Variants in DENND1A observed in about 807,000 individuals in gnomAD.
DENND1A encodes DENN domain-containing protein 1A.
A neutral mutation model predicts 113.7 loss-of-function variants in DENND1A; 51 were observed. That is an observed-to-expected ratio of 0.45 (90% confidence interval 0.36 to 0.57). The LOEUF (loss-of-function observed/expected upper bound fraction) is 0.57, where lower values mean the gene tolerates loss of function less well. Ranked by LOEUF, DENND1A falls within the 20% of genes least tolerant of loss-of-function variation. The pLI, the probability that DENND1A is intolerant of heterozygous loss-of-function variation, is 0.00. For synonymous variants in DENND1A, 565 were observed against 570.8 expected (o/e 0.99, Z 0.14); for missense variants, 1,258 against 1,395.9 (o/e 0.90, Z 1.57).
intron 13 of DENND1A, among the ~76,000 whole-genome samples, chr9:123,460,678 C>A (rs748201890): frequency 6.6e-6 from 1 of 152,362 alleles, no homozygotes; most frequent in Non-Finnish European, 1.5e-5. Context: ...CCATCTACGC[C>A]TACCTTGGCG....
chr9:123,675,433 G>C (rs2064018290), intron 6 of DENND1A, among the ~76,000 whole-genome samples: 1 of 152,166 alleles, frequency 6.6e-6, no homozygotes, highest in Non-Finnish European at 1.5e-5. Flanking sequence ...ATGAAACACA[G>C]CTTTCCCTTC....
intron 5 of DENND1A, among the ~76,000 whole-genome samples, chr9:123,683,627 C>T (rs1266753587): frequency 6.6e-6 from 1 of 152,110 alleles, no homozygotes; most frequent in Non-Finnish European, 1.5e-5. Context: ...TAAATTGATG[C>T]ATTTTATTCC....
At chr9:123,790,165 T>G (rs1832792761) in intron 3 of DENND1A, among the ~76,000 whole-genome samples, 1 of 152,134 alleles carries the variant, frequency 6.6e-6, no homozygotes, top group Non-Finnish European at 1.5e-5. Context: ...TTCTAAGAAT[T>G]CCTTTATAAT....
chr9:123,927,598 G>A (rs1487093840), intron 1 of DENND1A, among the ~76,000 whole-genome samples: 3 of 152,216 alleles, frequency 2.0e-5, no homozygotes, highest in Admixed American at 6.5e-5. Flanking sequence ...GGAAACTGAG[G>A]TTGAAAAGGC....
At chr9:123,644,612 A>C (rs1247805104) in intron 9 of DENND1A, among the ~76,000 whole-genome samples, 1 of 152,200 alleles carries the variant, frequency 6.6e-6, no homozygotes, top group Non-Finnish European at 1.5e-5. Flanking sequence ...AATGGTGTTA[A>C]GTAATGGCAC....
At chr9:123,694,512 A>T (rs749000084) in intron 5 of DENND1A, among the ~76,000 whole-genome samples, 1 of 152,186 alleles carries the variant, frequency 6.6e-6, no homozygotes, top group Non-Finnish European at 1.5e-5. Context: ...GGACATCCTG[A>T]CAAACCCAAA....
intron 4 of DENND1A, among the ~76,000 whole-genome samples, chr9:123,761,912 C>A (rs12343069): frequency 2.0e-5 from 3 of 152,030 alleles, no homozygotes; most frequent in Non-Finnish European, 4.4e-5. Flanking sequence ...TTTGAGTTTA[C>A]CTCAGCATCC....
intron 1 of DENND1A, among the ~76,000 whole-genome samples, chr9:123,898,528 T>C (rs1851118883): frequency 6.6e-6 from 1 of 152,070 alleles, no homozygotes; most frequent in Non-Finnish European, 1.5e-5. Context: ...AGGGTCTCCC[T>C]ATTAGCCCAG....
intron 5 of DENND1A, among the ~76,000 whole-genome samples, chr9:123,728,506 A>AAAAAAACAAAAAAAAAAAC (rs1564150268): frequency 6.9e-6 from 1 of 145,814 alleles, no homozygotes; most frequent in African/African-American, 2.7e-5. Context: ...AAAAAAAAAA[A>AAAAAAACAAAAAAAAAAAC]AAAACAGGCA....
intron 12 of DENND1A, among the ~76,000 whole-genome samples, chr9:123,571,392 C>A (rs913919266): frequency 2.6e-5 from 4 of 152,236 alleles, no homozygotes; most frequent in African/African-American, 9.6e-5. Flanking sequence ...GTAACCACCT[C>A]CACAATCAAG....
chr9:123,549,042 A>G (rs902402491), intron 13 of DENND1A, among the ~76,000 whole-genome samples: 1 of 152,250 alleles, frequency 6.6e-6, no homozygotes, highest in African/African-American at 2.4e-5. Flanking sequence ...TATACTTAAC[A>G]ATGGTTAAAA....
intron 20 of DENND1A, among the ~76,000 whole-genome samples, chr9:123,403,871 A>G (rs2043717938): frequency 6.6e-6 from 1 of 152,204 alleles, no homozygotes; most frequent in African/African-American, 2.4e-5. Context: ...TCTGATGCCC[A>G]GAAGCTGGTT....
chr9:123,893,847 A>G (rs1290440482), intron 1 of DENND1A, among the ~76,000 whole-genome samples: 3 of 152,172 alleles, frequency 2.0e-5, no homozygotes, highest in Non-Finnish European at 2.9e-5. Context: ...TCTCCTAACA[A>G]TGTCCTATTT....
intron 18 of DENND1A, among the ~76,000 whole-genome samples, chr9:123,449,832 C>A (rs547706087): frequency 7.2e-5 from 11 of 151,970 alleles, no homozygotes; most frequent in Non-Finnish European, 1.3e-4. Context: ...ATAGACTTTG[C>A]GGACTCGGGG....
chr9:123,828,627 C>A, intron 2 of DENND1A, among the ~76,000 whole-genome samples: 1 of 143,728 alleles, frequency 7.0e-6, no homozygotes. Flanking sequence ...AAAGGAAAAA[C>A]TTAAAAGTAG....
intron 20 of DENND1A, 195 bp downstream of exon 20, chr9:123,411,581 T>C (rs2044312632): frequency 5.5e-6 from 1 of 182,452 alleles, no homozygotes; most frequent in Non-Finnish European, 1.0e-5. Context: ...GTCACCAAAC[T>C]TATTCACGAA....
chr9:123,700,395 C>T (rs1208014710), intron 5 of DENND1A, among the ~76,000 whole-genome samples: 2 of 151,860 alleles, frequency 1.3e-5, no homozygotes, highest in Non-Finnish European at 2.9e-5. Context: ...TGTATGCATG[C>T]GTGTGTGTGT....
chr9:123,666,488 A>G (rs2063498187), intron 8 of DENND1A, among the ~76,000 whole-genome samples: 1 of 152,232 alleles, frequency 6.6e-6, no homozygotes, highest in Admixed American at 6.5e-5. Context: ...GTAAATATAC[A>G]AAGGTAAAAA....
chr9:123,677,334 C>T (rs560953492), intron 5 of DENND1A, among the ~76,000 whole-genome samples: 1 of 152,374 alleles, frequency 6.6e-6, no homozygotes, highest in African/African-American at 2.4e-5. Flanking sequence ...CCCATCCCCA[C>T]TGCCCTCCAC....
Sources: allele counts gnomAD v4.1 joint callset (sites outside exome capture counted in the v4.1 genomes callset), GRCh38; gene constraint gnomAD v4.1.1; transcripts MANE v1.5; gene names NCBI Gene and HGNC (gene_info 2026-07-23, HGNC 2026-07-21).